NAV1: variants seen among roughly 807,000 people sequenced by gnomAD.
The protein encoded by NAV1 is neuron navigator 1.
NAV1 carries 18 observed loss-of-function variants against 175.2 expected under a neutral mutation model. That is an observed-to-expected ratio of 0.10 (90% CI 0.07 to 0.15). The LOEUF is 0.15. Among genes scored for constraint, NAV1 ranks in the 10% least tolerant of loss-of-function variants. The pLI, the probability that NAV1 is intolerant of heterozygous loss-of-function variation, is 1.00. For missense variants in NAV1, 1,731 were observed against 2,436.6 expected (o/e 0.71, Z 6.10); for synonymous variants, 897 against 978.7 (o/e 0.92, Z 1.56).
chr1:201,667,087 A>C (rs571367354), intron 1 of NAV1, among the ~76,000 whole-genome samples: 1 of 152,312 alleles, frequency 6.6e-6, no homozygotes, highest in South Asian at 2.1e-4. Flanking sequence ...GGCAAGCCAC[A>C]ACATCACAGC....
At position 201,553,145 on chromosome 1, in the gene NAV1, G is replaced by A. The variant is rs571674571; in HGVS notation, c.-144+13803G>A. 6.6e-5 allele frequency among the ~76,000 whole-genome samples: 10 copies of A among 152,374 alleles called. No individual in the cohort carries two copies. In the South Asian group the frequency reaches 2.1e-3, roughly 32 times the overall value. On this transcript the variant is annotated intron_variant, in intron 1 of 33. Coordinates refer to the NAV1 transcript ENST00000685211. ...TGAGGCAAAATATATGGTAAGGTGG[G>A]AGATTTGAAATGATAAACTCGAGGC...
intron 1 of NAV1, among the ~76,000 whole-genome samples, chr1:201,653,322 A>T (rs1408356828): frequency 6.6e-6 from 1 of 152,212 alleles, no homozygotes; most frequent in Admixed American, 6.5e-5. Flanking sequence ...AAGGTCAGGG[A>T]GTAAAAGAAC....
intron 1 of NAV1, 58 bp downstream of exon 5, chr1:201,649,483 G>A: frequency 6.9e-7 from 1 of 1,449,116 alleles, no homozygotes; most frequent in Non-Finnish European, 9.1e-7. Context: ...CAGCTGCTGG[G>A]GAAGGTGTGG....
chr1:201,669,118 C>T (rs1328857808), intron 1 of NAV1, among the ~76,000 whole-genome samples: 2 of 152,306 alleles, frequency 1.3e-5, no homozygotes, highest in East Asian at 1.9e-4. Flanking sequence ...CAACACCTGT[C>T]GGGTATCTAC....
chr1:201,728,442 A>C (rs954532981), intron 3 of NAV1, among the ~76,000 whole-genome samples: 1 of 151,954 alleles, frequency 6.6e-6, no homozygotes, highest in Non-Finnish European at 1.5e-5. Context: ...AAATACAAAA[A>C]AATTAGCCTG....
At chr1:201,668,930 A>G (rs1052194175) in intron 1 of NAV1, among the ~76,000 whole-genome samples, 1 of 152,162 alleles carries the variant, frequency 6.6e-6, no homozygotes, top group African/African-American at 2.4e-5. Flanking sequence ...TGTGCTGAGA[A>G]ACAGCATCGG....
intron 7 of NAV1, among the ~76,000 whole-genome samples, chr1:201,784,951 G>A (rs960565917): frequency 5.3e-5 from 8 of 152,000 alleles, no homozygotes; most frequent in African/African-American, 1.9e-4. Flanking sequence ...TGTATTTTTA[G>A]TAGAGACGAG....
chr1:201,722,091 T>TTA (rs774577891), intron 3 of NAV1, among the ~76,000 whole-genome samples: 92 of 152,062 alleles, frequency 6.1e-4, no homozygotes, highest in Non-Finnish European at 1.1e-3. Flanking sequence ...AAAATTGTGG[T>TTA]TATATATATA....
At chr1:201,745,525 TTTG>T (rs1673713576) in intron 3 of NAV1, among the ~76,000 whole-genome samples, 1 of 152,214 alleles carries the variant, frequency 6.6e-6, no homozygotes, top group Admixed American at 6.5e-5. Context: ...AGGTGTTTTC[TTTG>T]TTATCTTATT....
At chr1:201,560,794 G>T (rs1666173856) in intron 1 of NAV1, among the ~76,000 whole-genome samples, 1 of 152,214 alleles carries the variant, frequency 6.6e-6, no homozygotes, top group South Asian at 2.1e-4. Flanking sequence ...AGCCACAGAA[G>T]GCTTTGGGAT....
At chr1:201,735,002 G>T (rs1205653370) in intron 3 of NAV1, among the ~76,000 whole-genome samples, 1 of 152,158 alleles carries the variant, frequency 6.6e-6, no homozygotes, top group Non-Finnish European at 1.5e-5. Flanking sequence ...ATAAATATTT[G>T]TTGAACAGTA....
At chr1:201,573,226 C>G (rs993188257) in intron 1 of NAV1, among the ~76,000 whole-genome samples, 1 of 152,240 alleles carries the variant, frequency 6.6e-6, no homozygotes, top group Non-Finnish European at 1.5e-5. Flanking sequence ...GACATCAAGT[C>G]GAGGCAGGCC....
intron 1 of NAV1, among the ~76,000 whole-genome samples, chr1:201,690,293 A>G (rs11585477): frequency 1.6e-3 from 132 of 82,440 alleles, no homozygotes; most frequent in Admixed American, 2.7e-3. Flanking sequence ...CTGTGGCAGA[A>G]TGCTGGCTAT....
chr1:201,782,189 C>T lies in NAV1; in HGVS notation c.1677C>T (p.Gly559=). 6.3e-7 allele frequency: 1 copy of T among 1,589,196 alleles called. No homozygotes were observed. Among genetic ancestry groups the T allele is most frequent in the Non-Finnish European group, 8.6e-7 (1 of 1,167,568 alleles). The change falls in exon 6 of 30, where the codon GGC becomes GGT. Residue 559 remains glycine, a synonymous_variant. Transcript: ENST00000367296. The surrounding 1 kb of genome is among the most constrained non-coding windows in gnomAD (Gnocchi z 5.4). Reference sequence around the variant, plus strand: ...GTCCTCTTGCAGGCAAACCTGAGGGCAAAGCTACAGACAAGGGTAAGCTTG... The same window carrying T: ...GTCCTCTTGCAGGCAAACCTGAGGGTAAAGCTACAGACAAGGGTAAGCTTG...
intron 1 of NAV1, among the ~76,000 whole-genome samples, chr1:201,665,650 C>A (rs1459378885): frequency 1.4e-5 from 2 of 145,600 alleles, no homozygotes; most frequent in Non-Finnish European, 3.0e-5. Flanking sequence ...CCTCCCTTGG[C>A]TGAAAGACAA....
intron 1 of NAV1, among the ~76,000 whole-genome samples, chr1:201,573,834 AC>A (rs1666617139): frequency 1.3e-5 from 2 of 152,260 alleles, no homozygotes; most frequent in South Asian, 2.1e-4. Flanking sequence ...GGGTGCCTGG[AC>A]CCCAAGTTAA....
chr1:201,605,199 G>A (rs1359452256), intron 2 of NAV1, among the ~76,000 whole-genome samples: 1 of 149,520 alleles, frequency 6.7e-6, no homozygotes, highest in Non-Finnish European at 1.5e-5. Context: ...GTTGCCCCTA[G>A]GGTGTTTCTC....
chr1:201,754,827 A>G (rs1355210683), intron 3 of NAV1, among the ~76,000 whole-genome samples: 2 of 152,212 alleles, frequency 1.3e-5, no homozygotes, highest in African/African-American at 4.8e-5. Context: ...ACCAGTTTTT[A>G]AAAATAGGGA....
Position 201,812,888 on chromosome 1 carries a change from G to A in NAV1, c.5221+227G>A, listed in dbSNP as rs1397890881. The stretch of plus-strand genomic sequence containing the variant: ...CCTTGTTTTTTTCCCACAATTAACA[G>A]AAAAAAGGAGGCACATATGTAGGAA... On this transcript the variant is annotated intron_variant, in intron 27 of 29. Transcript: ENST00000367296. The surrounding 1 kb of genome is among the most constrained non-coding windows in gnomAD (Gnocchi z 4.6). Among the ~76,000 whole-genome samples, 1 of 152,048 alleles carries A rather than the reference G, an allele frequency of 6.6e-6. No homozygotes were observed. Among genetic ancestry groups the A allele is most frequent in the Admixed American group, 6.5e-5 (1 of 15,276 alleles).
Sources: allele counts gnomAD v4.1 joint callset (sites outside exome capture counted in the v4.1 genomes callset), GRCh38; gene constraint gnomAD v4.1.1; non-coding constraint Gnocchi (gnomAD v3.1); transcripts MANE v1.5; gene names NCBI Gene and HGNC (gene_info 2026-07-23, HGNC 2026-07-21).